Variants in NDST4 observed in about 807,000 individuals in gnomAD.
NDST4 encodes N-heparan sulfate sulfotransferase 4.
NDST4 carries 63 observed loss-of-function variants against 100.8 expected under a neutral mutation model. The ratio of observed to expected loss-of-function variants is 0.62; its 90% CI spans 0.51 to 0.77. The LOEUF is 0.77. Among genes scored for constraint, NDST4 ranks in the 30% least tolerant of loss-of-function variants. NDST4 has a pLI of 0.00. For synonymous variants in NDST4, 377 were observed against 361.8 expected (o/e 1.04, Z -0.48); for missense variants, 943 against 1,018.4 (o/e 0.93, Z 1.01).
chr4:114,838,716 A>G lies in NDST4; in HGVS notation c.2286+662T>C, dbSNP rs182829038. ...TAGCATTAGGAGAAATACCTAATGTAGGTGACGGATTGATGGGTGGAGCGA... is the reference window on the plus strand; with the variant it reads ...TAGCATTAGGAGAAATACCTAATGTGGGTGACGGATTGATGGGTGGAGCGA... On this transcript the variant is annotated intron_variant, in intron 11 of 13. Coordinates refer to ENST00000264363, the MANE Select transcript of NDST4 (RefSeq NM_022569.3). Among the ~76,000 whole-genome samples the G allele has an allele frequency of 2.0e-5, 3 of 152,138 alleles. No homozygotes were observed. The East Asian group carries it at 5.8e-4, about 29-fold the overall frequency.
At chr4:114,874,133 G>A (rs1018268167) in intron 6 of NDST4, among the ~76,000 whole-genome samples, 3 of 152,116 alleles carry the variant, frequency 2.0e-5, no homozygotes, top group African/African-American at 7.2e-5. Context: ...ACACCTGTGA[G>A]AGTCTAAAGT....
In NDST4 at chr4:114,847,416, A is replaced by AAAAAAAAAAT. The variant is rs1391736224; in HGVS notation, c.1940+798_1940+799insATTTTTTTTT. ...AAAAAAAAAAAAAAAAAAAAAAAAA[A>AAAAAAAAAAT]GTGTCTTTCATTGCAAACAGGTTCA... On this transcript the variant is annotated intron_variant, in intron 9 of 13. Transcript: ENST00000264363. Among the ~76,000 whole-genome samples, 64 of 103,638 alleles carry AAAAAAAAAAT rather than the reference A, an allele frequency of 6.2e-4. 10 individuals are homozygous for AAAAAAAAAAT. Among genetic ancestry groups the AAAAAAAAAAT allele is most frequent in the African/African-American group, 1.8e-3 (43 of 23,592 alleles). 68.0% of individuals were successfully genotyped at this position (103,638 alleles called of 152,430 possible). A position where few individuals can be genotyped will look rare whatever the true frequency, so the allele number is the denominator to read the frequency against.
intron 4 of NDST4, among the ~76,000 whole-genome samples, chr4:114,942,737 C>T (rs1267753920): frequency 6.6e-6 from 1 of 151,920 alleles, no homozygotes; most frequent in African/African-American, 2.4e-5. Context: ...ATGTTTCCCA[C>T]ACCCAAAATA....
At chr4:115,109,460 T>G (rs912927170) in intron 1 of NDST4, among the ~76,000 whole-genome samples, 1 of 152,062 alleles carries the variant, frequency 6.6e-6, no homozygotes, top group South Asian at 2.1e-4. Flanking sequence ...TTGCTAAAGT[T>G]GCTTTCTTCA....
At chr4:114,850,152 C>A (rs1437390476) in intron 8 of NDST4, among the ~76,000 whole-genome samples, 1 of 151,986 alleles carries the variant, frequency 6.6e-6, no homozygotes, top group African/African-American at 2.4e-5. Flanking sequence ...TTTAATATTC[C>A]TAAGGTATTG....
chr4:114,936,329 T>C (rs1423705975), intron 5 of NDST4, among the ~76,000 whole-genome samples: 1 of 152,184 alleles, frequency 6.6e-6, no homozygotes, highest in Non-Finnish European at 1.5e-5. Context: ...CTGGTACCAA[T>C]TTGCAATAAA....
chr4:114,874,342 A>C (rs868775444), intron 6 of NDST4, among the ~76,000 whole-genome samples: 3 of 152,186 alleles, frequency 2.0e-5, no homozygotes, highest in African/African-American at 4.8e-5. Context: ...AAAAGCTTAA[A>C]ACTGAATGCA....
At chr4:115,043,919 G>C (rs2126275505) in intron 2 of NDST4, among the ~76,000 whole-genome samples, 1 of 152,168 alleles carries the variant, frequency 6.6e-6, no homozygotes, top group East Asian at 1.9e-4. Flanking sequence ...GGCTTTTAAG[G>C]ATAGCTTAGA....
At chr4:114,994,349 C>T (rs147762458) in intron 2 of NDST4, among the ~76,000 whole-genome samples, 4 of 152,070 alleles carry the variant, frequency 2.6e-5, no homozygotes, top group African/African-American at 9.6e-5. Flanking sequence ...GAGAACCTTT[C>T]TTTCTTTGCA....
chr4:115,079,312 A>G (rs1386263946), intron 1 of NDST4, among the ~76,000 whole-genome samples: 2 of 151,162 alleles, frequency 1.3e-5, no homozygotes, highest in African/African-American at 2.4e-5. Context: ...AGATCACACA[A>G]CTGCATGCCA....
At chr4:114,988,350 A>ATTTTTT (rs1560846225) in intron 2 of NDST4, among the ~76,000 whole-genome samples, 2 of 76,694 alleles carry the variant, frequency 2.6e-5, no homozygotes, top group Admixed American at 1.3e-4. Context: ...AGATACACAT[A>ATTTTTT]TCTTTTTTTT....
chr4:115,000,384 T>C (rs952622319), intron 2 of NDST4, among the ~76,000 whole-genome samples: 1 of 152,012 alleles, frequency 6.6e-6, no homozygotes, highest in African/African-American at 2.4e-5. Context: ...ATCTTAGAAT[T>C]CTGCTAAGAA....
chr4:115,077,094 T>C lies in NDST4; in HGVS notation c.-58A>G. 2 of 1,455,038 alleles carry C rather than the reference T, an allele frequency of 1.4e-6. No individual in the cohort carries two copies. The highest frequency in any genetic ancestry group is 1.4e-5 in the South Asian group (1 of 72,472). The allele number at this position is 1,455,038 out of a possible 1,614,324, so 90.1% of individuals were successfully genotyped here. ...AATTTCGTTTCCTAAAGTGCCATAG[T>C]GAATAAAGTATGAGATGTTGCAAAT... On this transcript the variant is annotated 5_prime_UTR_variant, in exon 2 of 14. Transcript: ENST00000264363.
rs745360958 is a variant in NDST4, at chr4:115,076,785, C to T, written c.252G>A (p.Val84=). ...GACCGAGTTGAGAGTATTGGCTCTC[C>T]ACGAAGAGAAGGACAGTAGGGTCCG... ...SKTDPTVLLF[V]ESQYSQLGQD... is the part of the protein sequence containing the mutation. The change falls in exon 2 of 14, where the codon GTG becomes GTA. Residue 84 remains valine (V), a synonymous_variant. Transcript: ENST00000264363. 1.2e-6 allele frequency: 2 copies of T among 1,613,884 alleles called. No homozygotes were observed. The highest frequency in any genetic ancestry group is 1.7e-5 in the Admixed American group (1 of 59,988).
At chr4:115,055,155 T>G (rs1283833139) in intron 2 of NDST4, among the ~76,000 whole-genome samples, 1 of 152,118 alleles carries the variant, frequency 6.6e-6, no homozygotes, top group Non-Finnish European at 1.5e-5. Context: ...TAATGCCTCA[T>G]GATCTGCCAC....
chr4:114,990,389 A>G (rs1245498624), intron 2 of NDST4, among the ~76,000 whole-genome samples: 1 of 152,136 alleles, frequency 6.6e-6, no homozygotes, highest in Non-Finnish European at 1.5e-5. Context: ...TATGGATACA[A>G]CATTCTTTGT....
chr4:115,076,305 CA>C lies in NDST4; in HGVS notation c.731del (p.Leu244ArgfsTer13). The C allele has an allele frequency of 1.2e-6, 2 of 1,613,942 alleles. No homozygotes were observed. Among genetic ancestry groups the C allele is most frequent in the Non-Finnish European group, 1.7e-6 (2 of 1,179,928 alleles). ...LLTELQTEKS[L>X]SSLSSKTLFA... ...AGAGTGTTTTGCTAGACAAGGATGA[CA>C]GGGATTTTTCTGTCTGTAACTCAGT... is the stretch of plus-strand genomic sequence containing the variant. On this transcript the variant is annotated frameshift_variant, in exon 2 of 14. Coordinates refer to ENST00000264363, the MANE Select transcript of NDST4 (RefSeq NM_022569.3). LOFTEE classifies it high-confidence loss of function.
chr4:115,055,788 C>T (rs1038747354), intron 2 of NDST4, among the ~76,000 whole-genome samples: 1 of 151,982 alleles, frequency 6.6e-6, no homozygotes, highest in Non-Finnish European at 1.5e-5. Context: ...TAAAGGCCAG[C>T]AAGATATACA....
intron 1 of NDST4, among the ~76,000 whole-genome samples, chr4:115,094,428 T>A (rs554840): frequency 0.79 from 120,012 of 151,884 alleles, 48,186 homozygotes; most frequent in African/African-American, 0.92. Flanking sequence ...TAATGTTGAT[T>A]GTAATAAATA....
Sources: allele counts gnomAD v4.1 joint callset (sites outside exome capture counted in the v4.1 genomes callset), GRCh38; gene constraint gnomAD v4.1.1; transcripts MANE v1.5; gene names NCBI Gene and HGNC (gene_info 2026-07-23, HGNC 2026-07-21).